MTFMT: variants seen among roughly 807,000 people sequenced by gnomAD.
MTFMT encodes the protein mitochondrial methionyl-tRNA formyltransferase.
Under a neutral mutation model 51.8 loss-of-function variants are expected in MTFMT, and 47 were observed. That is an observed-to-expected ratio of 0.91 (90% CI 0.72 to 1.16). The LOEUF is 1.16. MTFMT is among the 50% of genes most tolerant of loss of function. The probability of loss-of-function intolerance (pLI) is 0.00; values close to 1 mark genes in which losing one functional copy is unlikely to be tolerated. For synonymous variants in MTFMT, 196 were observed against 176.7 expected (o/e 1.11, Z -0.87); for missense variants, 512 against 482.3 (o/e 1.06, Z -0.58).
intron 2 of MTFMT, 73 bp from the exon 3 acceptor site, chr15:65,023,867 G>A: frequency 2.3e-6 from 3 of 1,309,006 alleles, no homozygotes; most frequent in African/African-American, 1.5e-5. Flanking sequence ...AAGCTATTAT[G>A]CTACTTTTCA....
chr15:65,026,796 T>TTTC (rs754639935), intron 2 of MTFMT, 35 bp downstream of exon 2: 1 of 1,555,150 alleles, frequency 6.4e-7, no homozygotes, highest in Non-Finnish European at 8.8e-7. Context: ...AAGACCAAGG[T>TTTC]TTCTATACTG....
chr15:65,019,661 A>G (rs1174481706), intron 5 of MTFMT, among the ~76,000 whole-genome samples: 1 of 152,160 alleles, frequency 6.6e-6, no homozygotes, highest in Non-Finnish European at 1.5e-5. Flanking sequence ...TTTTTTAGAG[A>G]CTAAAGAGAC....
In MTFMT at chr15:65,001,903, A is replaced by C. The variant is rs1340317833; in HGVS notation, c.*1159T>G. 1.3e-5 allele frequency: 2 copies of C among 152,094 alleles called. No individual in the cohort carries two copies. The highest frequency in any genetic ancestry group is 2.4e-5 in the African/African-American group (1 of 41,414). 9.4% of individuals were successfully genotyped at this position (152,094 alleles called of 1,614,324 possible). ...AAAAAAAATAAAATCTGGATGTAAAATGTTAATTTATAGTACAGATCAATG... is the reference window on the plus strand; with the variant it reads ...AAAAAAAATAAAATCTGGATGTAAACTGTTAATTTATAGTACAGATCAATG... On this transcript the variant is annotated 3_prime_UTR_variant, in exon 9 of 9. Transcript: ENST00000220058.
Position 65,029,467 on chromosome 15 carries a change from C to A in MTFMT, c.147G>T (p.Arg49=). ...ACTGGTCCGTGCCGAAGAAGAGCAC[C>A]CGCCAGGGAGGCTTCTCGCGGACTC... The part of the protein sequence containing the change: ...DSRVREKPPW[R]VLFFGTDQFA... Residue 49 remains arginine (R), a synonymous_variant, in exon 1 of 9, where the codon CGG becomes CGT. Coordinates refer to ENST00000220058, the MANE Select transcript of MTFMT (RefSeq NM_139242.4). 6.5e-7 allele frequency: 1 copy of A among 1,533,264 alleles called. No individual in the cohort carries two copies. The highest frequency in any genetic ancestry group is 2.6e-5 in the East Asian group (1 of 39,004). The allele number at this position is 1,533,264 out of a possible 1,614,324, so 95.0% of individuals were successfully genotyped here. A position where few individuals can be genotyped will look rare whatever the true frequency, so the allele number is the denominator to read the frequency against.
chr15:65,021,463 T>C, intron 4 of MTFMT, 51 bp downstream of exon 4: 1 of 1,351,578 alleles, frequency 7.4e-7, no homozygotes, highest in East Asian at 2.3e-5. Flanking sequence ...TATAACCACT[T>C]AGGAAACCCA....
intron 8 of MTFMT, 35 bp from the exon 9 acceptor site, chr15:65,003,291 G>C: frequency 6.5e-7 from 1 of 1,544,294 alleles, no homozygotes; most frequent in Non-Finnish European, 8.8e-7. Flanking sequence ...AATAGGCAGG[G>C]GTGGCAAAAC....
chr15:65,023,081 C>T (rs1027880522), intron 3 of MTFMT, among the ~76,000 whole-genome samples: 1 of 152,162 alleles, frequency 6.6e-6, no homozygotes, highest in Non-Finnish European at 1.5e-5. Flanking sequence ...CCAGATACCA[C>T]GTTGTTCTTG....
intron 5 of MTFMT, among the ~76,000 whole-genome samples, chr15:65,018,810 C>G (rs1205378645): frequency 6.6e-6 from 1 of 152,064 alleles, no homozygotes; most frequent in Non-Finnish European, 1.5e-5. Flanking sequence ...ATCTACGCGT[C>G]AAATGATACT....
intron 8 of MTFMT, 42 bp downstream of exon 8, chr15:65,004,812 A>T: frequency 7.3e-7 from 1 of 1,360,980 alleles, no homozygotes; most frequent in Non-Finnish European, 1.0e-6. Context: ...ACTATAACAT[A>T]GTAAAACAAC....
At chr15:65,010,677 T>C (rs1045948929) in intron 6 of MTFMT, among the ~76,000 whole-genome samples, 1 of 152,198 alleles carries the variant, frequency 6.6e-6, no homozygotes, top group Non-Finnish European at 1.5e-5. Flanking sequence ...CGGGTACACA[T>C]TTTTGTGTGA....
At chr15:65,005,670 G>A (rs866635373) in intron 7 of MTFMT, among the ~76,000 whole-genome samples, 6 of 148,448 alleles carry the variant, frequency 4.0e-5, no homozygotes, top group Non-Finnish European at 7.4e-5. Context: ...GTGCAGCGGC[G>A]CAATCTTGGC....
intron 3 of MTFMT, among the ~76,000 whole-genome samples, chr15:65,021,841 T>C (rs1465102512): frequency 6.6e-6 from 1 of 152,136 alleles, no homozygotes; most frequent in Non-Finnish European, 1.5e-5. Context: ...AGATAGTTTA[T>C]CACTGGCTAT....
At chr15:65,013,734 A>T (rs2086290157) in intron 6 of MTFMT, among the ~76,000 whole-genome samples, 1 of 152,084 alleles carries the variant, frequency 6.6e-6, no homozygotes, top group Non-Finnish European at 1.5e-5. Flanking sequence ...ACTCAAGTTC[A>T]GGAGTTTGAG....
chr15:65,019,843 T>G (rs1344924232), intron 5 of MTFMT, among the ~76,000 whole-genome samples: 1 of 152,212 alleles, frequency 6.6e-6, no homozygotes, highest in African/African-American at 2.4e-5. Context: ...TCATGATTCA[T>G]ACTTCCAAAT....
rs372916986 is a variant in MTFMT at position 65,006,417 on chromosome 15, A to AC, written c.814-227dup. Among the ~76,000 whole-genome samples the AC allele has an allele frequency of 0.011, 1,608 of 144,672 alleles. 31 individuals are homozygous for AC. Among genetic ancestry groups the AC allele is most frequent in the African/African-American group, 0.04 (1,532 of 38,602 alleles). The allele number at this position is 144,672 out of a possible 152,430, so 94.9% of individuals were successfully genotyped here. On this transcript the variant is annotated intron_variant, in intron 6 of 8. Coordinates refer to ENST00000220058, the MANE Select transcript of MTFMT (RefSeq NM_139242.4). The stretch of plus-strand genomic sequence containing the variant: ...TTTTGAGACGGAGTCTCGTTGTGTC[A>AC]CCAGGCTGGAGTGCAGTGGCGCGAT...
At chr15:65,021,301 C>CT (rs1436802016) in intron 4 of MTFMT, among the ~76,000 whole-genome samples, 3 of 152,216 alleles carry the variant, frequency 2.0e-5, no homozygotes, top group Non-Finnish European at 4.4e-5. Flanking sequence ...ACCTGTTTCA[C>CT]TTGAAAGCCT....
At chr15:65,022,969 G>A (rs55825473) in intron 3 of MTFMT, among the ~76,000 whole-genome samples, 2,538 of 152,160 alleles carry the variant, frequency 0.017, 30 homozygotes, top group Admixed American at 0.024. Flanking sequence ...GATTACAGGC[G>A]TGAGCCACCA....
intron 5 of MTFMT, among the ~76,000 whole-genome samples, chr15:65,018,056 C>G (rs2086339119): frequency 6.6e-6 from 1 of 151,942 alleles, no homozygotes; most frequent in African/African-American, 2.4e-5. Context: ...GGAAGTAGGA[C>G]TTCTATGAGT....
rs529148440 is a variant in MTFMT at position 65,003,771 on chromosome 15, G to A, written c.976-515C>T. 1.4e-3 allele frequency among the ~76,000 whole-genome samples: 189 copies of A among 139,394 alleles called. 1 individual carries two copies. Among genetic ancestry groups the A allele is most frequent in the African/African-American group, 4.8e-3 (178 of 37,444 alleles). 91.4% of individuals were successfully genotyped at this position (139,394 alleles called of 152,430 possible). A position where few individuals can be genotyped will look rare whatever the true frequency, so the allele number is the denominator to read the frequency against. On this transcript the variant is annotated intron_variant, in intron 8 of 8. Coordinates refer to ENST00000220058, the MANE Select transcript of MTFMT (RefSeq NM_139242.4). ...CTTGGAAGACGGAGGCAGGAGAATC[G>A]CTTGAACCCAGGAGGTGGAGGTTGC... is the stretch of plus-strand genomic sequence containing the variant.
Sources: gnomAD v4.1 joint callset for allele counts (sites outside exome capture counted in the v4.1 genomes callset) on GRCh38, gnomAD v4.1.1 for gene constraint, MANE v1.5 for transcripts, NCBI Gene and HGNC (gene_info 2026-07-23, HGNC 2026-07-21) for gene names.